The following NDUFAF5 variants were observed in gnomAD, a reference collection of about 807,000 sequenced individuals.
NDUFAF5 encodes NADH:ubiquinone oxidoreductase complex assembly factor 5, also known as arginine-hydroxylase NDUFAF5, mitochondrial.
Under a neutral mutation model 48.9 loss-of-function variants are expected in NDUFAF5, and 34 were observed. The ratio of observed to expected loss-of-function variants is 0.70; its 90% CI spans 0.53 to 0.93. The LOEUF is 0.93. Among genes scored for constraint, NDUFAF5 ranks in the 40% least tolerant of loss-of-function variants. The probability of loss-of-function intolerance (pLI) is 0.00; values close to 1 mark genes in which losing one functional copy is unlikely to be tolerated. For synonymous variants in NDUFAF5, 153 were observed against 150.6 expected (o/e 1.02, Z -0.12); for missense variants, 428 against 427.5 (o/e 1.00, Z -0.01).
At chr20:13,785,664 C>T (rs1374067690) in intron 1 of NDUFAF5, among the ~76,000 whole-genome samples, 1 of 152,060 alleles carries the variant, frequency 6.6e-6, no homozygotes, top group South Asian at 2.1e-4. Context: ...TGGTAACTGC[C>T]GGCCACACAT....
chr20:13,795,761 G>T (rs545577756), intron 5 of NDUFAF5, among the ~76,000 whole-genome samples: 1 of 152,302 alleles, frequency 6.6e-6, no homozygotes, highest in East Asian at 1.9e-4. Flanking sequence ...TGAGGCTGCA[G>T]TGAGCCATGA....
At chr20:13,808,774 C>T (rs1985435120) in intron 7 of NDUFAF5, 68 bp from the exon 8 acceptor site, 10 of 1,042,308 alleles carry the variant, frequency 9.6e-6, no homozygotes, top group African/African-American at 1.6e-5. Context: ...GTCTCTGCGG[C>T]CTCTTTTTTA....
At chr20:13,796,881 A>C (rs764576261) in intron 5 of NDUFAF5, among the ~76,000 whole-genome samples, 6 of 152,198 alleles carry the variant, frequency 3.9e-5, no homozygotes, top group Non-Finnish European at 7.3e-5. Flanking sequence ...CGAGAGGCTG[A>C]GGCATGAGAA....
chr20:13,802,683 A>AAATG (rs11473821), intron 7 of NDUFAF5, among the ~76,000 whole-genome samples: 1 of 148,952 alleles, frequency 6.7e-6, no homozygotes, highest in Non-Finnish European at 1.5e-5. Context: ...AAAAAAAAAA[A>AAATG]AAAAAAAGCA....
chr20:13,814,169 A>G (rs1986197339), intron 8 of NDUFAF5: 2 of 312,706 alleles, frequency 6.4e-6, no homozygotes, highest in Admixed American at 4.5e-5. Context: ...CTAGTCGAAC[A>G]GCCTGATTTG....
chr20:13,816,161 G>A, intron 8 of NDUFAF5: 1 of 430,568 alleles, frequency 2.3e-6, no homozygotes, highest in Non-Finnish European at 4.3e-6. Flanking sequence ...ACCTGGGGTG[G>A]CAGTCACCTG....
intron 1 of NDUFAF5, 132 bp downstream of exon 1, chr20:13,785,422 G>C (rs1249954328): frequency 7.0e-6 from 5 of 714,852 alleles, no homozygotes; most frequent in Non-Finnish European, 1.2e-5. Context: ...TGCCTCTTTC[G>C]GCCTCTACTG....
intron 9 of NDUFAF5, 161 bp from the exon 10 acceptor site, chr20:13,816,714 T>C: frequency 1.3e-6 from 1 of 761,232 alleles, no homozygotes; most frequent in Non-Finnish European, 2.3e-6. Context: ...CAGCCTTTAC[T>C]ATTTCCTTAC....
chr20:13,811,772 C>A (rs539393121), intron 8 of NDUFAF5, among the ~76,000 whole-genome samples: 5 of 152,124 alleles, frequency 3.3e-5, no homozygotes, highest in African/African-American at 1.2e-4. Flanking sequence ...CTTCAACTTG[C>A]GTCCTTTGTG....
chr20:13,809,176 G>A (rs964546474), intron 8 of NDUFAF5, among the ~76,000 whole-genome samples: 3 of 152,166 alleles, frequency 2.0e-5, no homozygotes, highest in East Asian at 1.9e-4. Flanking sequence ...ATAGTGCTAC[G>A]GCTGTTTGTA....
intron 6 of NDUFAF5, among the ~76,000 whole-genome samples, chr20:13,799,318 G>A (rs34449907): frequency 0.17 from 25,388 of 152,100 alleles, 2,702 homozygotes; most frequent in Non-Finnish European, 0.24. Context: ...ATCTGAACAC[G>A]TATGATTTTC....
At chr20:13,806,230 T>C (rs1984984491) in intron 7 of NDUFAF5, among the ~76,000 whole-genome samples, 2 of 152,082 alleles carry the variant, frequency 1.3e-5, no homozygotes, top group African/African-American at 4.8e-5. Context: ...GTGCAAGGCC[T>C]GGCACGGTGG....
intron 7 of NDUFAF5, among the ~76,000 whole-genome samples, chr20:13,802,091 A>G (rs779278267): frequency 3.9e-5 from 6 of 152,192 alleles, no homozygotes; most frequent in Non-Finnish European, 8.8e-5. Flanking sequence ...AAACAGTGCC[A>G]TATGAAGCAG....
intron 4 of NDUFAF5, among the ~76,000 whole-genome samples, chr20:13,793,667 C>A (rs1032902764): frequency 6.6e-6 from 1 of 152,180 alleles, no homozygotes; most frequent in African/African-American, 2.4e-5. Context: ...TTTCTAGTTT[C>A]TCAATAACCA....
At chr20:13,807,267 C>T (rs1319306350) in intron 7 of NDUFAF5, among the ~76,000 whole-genome samples, 2 of 151,920 alleles carry the variant, frequency 1.3e-5, no homozygotes, top group African/African-American at 4.8e-5. Flanking sequence ...AGAATGGTCT[C>T]GATCTCCTGA....
intron 3 of NDUFAF5, among the ~76,000 whole-genome samples, chr20:13,790,138 A>T (rs1327130472): frequency 2.0e-5 from 3 of 152,138 alleles, no homozygotes; most frequent in African/African-American, 7.2e-5. Context: ...TTCGAGAAAG[A>T]TTGAAGAAGA....
intron 1 of NDUFAF5, 70 bp downstream of exon 1, chr20:13,785,360 G>A (rs1463538022): frequency 7.4e-7 from 1 of 1,356,736 alleles, no homozygotes; most frequent in Admixed American, 2.0e-5. Flanking sequence ...CGCTAGTTCC[G>A]GCTAGGCCCC....
At position 13,819,127 on chromosome 20, in the gene NDUFAF5, A is replaced by G. The variant is rs1206761425; in HGVS notation, c.*1917A>G. 1 of 152,210 alleles carries G rather than the reference A, an allele frequency of 6.6e-6. No individual in the cohort carries two copies. Among genetic ancestry groups the G allele is most frequent in the Non-Finnish European group, 1.5e-5 (1 of 68,040 alleles). The allele number at this position is 152,210 out of a possible 1,614,324, so 9.4% of individuals were successfully genotyped here. A position where few individuals can be genotyped will look rare whatever the true frequency, so the allele number is the denominator to read the frequency against. On this transcript the variant is annotated 3_prime_UTR_variant, in exon 11 of 11. Transcript: ENST00000378106. ...TGAAAACACTTATTTTAGTGTGTATAACACTAGTGAAATTATTTTTGTAGT... is the reference window on the plus strand; with the variant it reads ...TGAAAACACTTATTTTAGTGTGTATGACACTAGTGAAATTATTTTTGTAGT...
rs1345497490 is a variant in NDUFAF5, at chr20:13,818,017, C to G, written c.*807C>G. On this transcript the variant is annotated 3_prime_UTR_variant, in exon 11 of 11. Transcript: ENST00000378106. ...GGAGTGAGCGCTAAGTGTTTTGTTTCCAGTTAGCTGTTCGCTGTCTTTTCC... is the reference window on the plus strand; with the variant it reads ...GGAGTGAGCGCTAAGTGTTTTGTTTGCAGTTAGCTGTTCGCTGTCTTTTCC... The G allele has an allele frequency of 2.2e-6, 1 of 454,132 alleles. No individual in the cohort carries two copies. Among genetic ancestry groups the G allele is most frequent in the Non-Finnish European group, 4.4e-6 (1 of 226,794 alleles). 28.1% of individuals were successfully genotyped at this position (454,132 alleles called of 1,614,324 possible).
Sources: gnomAD v4.1 joint callset for allele counts (sites outside exome capture counted in the v4.1 genomes callset) on GRCh38, gnomAD v4.1.1 for gene constraint, MANE v1.5 for transcripts, NCBI Gene and HGNC (gene_info 2026-07-23, HGNC 2026-07-21) for gene names.